Variants in U2AF2 observed in about 807,000 individuals in gnomAD.
U2AF2 encodes the protein U2 small nuclear RNA auxiliary factor 2.
A neutral mutation model predicts 52.6 loss-of-function variants in U2AF2; 6 were observed. That is an observed-to-expected ratio of 0.11 (90% CI 0.06 to 0.23). The LOEUF (loss-of-function observed/expected upper bound fraction) is 0.23. Ranked by LOEUF, U2AF2 falls within the 10% of genes least tolerant of loss-of-function variation. The probability of loss-of-function intolerance (pLI) is 1.00; values close to 1 mark genes in which losing one functional copy is unlikely to be tolerated. For missense variants in U2AF2, 222 were observed against 677.1 expected, an observed-to-expected ratio of 0.33 and a Z score of 7.46; for synonymous variants, 284 against 258.2, an observed-to-expected ratio of 1.10 and a Z score of -0.96.
intron 11 of U2AF2, among the ~76,000 whole-genome samples, chr19:55,672,865 G>A (rs1235340436): frequency 6.6e-6 from 1 of 151,556 alleles, no homozygotes; most frequent in Non-Finnish European, 1.5e-5. Context: ...GGATGGTCTC[G>A]ATCTCCTGAC....
In U2AF2 at chr19:55,659,257, C is replaced by A; in HGVS notation, c.97C>A (p.Arg33=). 6.2e-7 allele frequency: 1 copy of A among 1,603,322 alleles called. No homozygotes were observed. The highest frequency in any genetic ancestry group is 8.5e-7 in the Non-Finnish European group (1 of 1,174,274). The part of the protein sequence containing the change: ...RHRKRSHSRS[R]SRDRKRRSRS... ...TCGGAAGCGCAGCCACAGCCGCTCT[C>A]GGAGCCGGGACCGCAAACGCCGGAG... is the stretch of plus-strand genomic sequence containing the variant. Residue 33 remains arginine, a synonymous_variant, in exon 2 of 12, where the codon CGG becomes AGG. Coordinates refer to ENST00000308924, the MANE Select transcript of U2AF2 (RefSeq NM_007279.3).
At chr19:55,667,064 C>G (rs1028746903) in intron 7 of U2AF2, among the ~76,000 whole-genome samples, 1 of 152,190 alleles carries the variant, frequency 6.6e-6, no homozygotes, top group Non-Finnish European at 1.5e-5. Context: ...CTACTTGTCC[C>G]TGTAGCATAG....
Position 55,660,196 on chromosome 19 carries a change from G to A in U2AF2, c.205G>A (p.Ala69Thr), listed in dbSNP as rs757076742. 6.2e-7 allele frequency: 1 copy of A among 1,606,290 alleles called. No homozygotes were observed. The highest frequency in any genetic ancestry group is 1.1e-5 in the South Asian group (1 of 90,338). ...CCCCAGCAAACCTTTGACCAGAGGC[G>A]CTAAAGAGGAGCACGGTGGACTGAT... is the stretch of plus-strand genomic sequence containing the variant. ...RRRSKPLTRGAKEEHGGLIRS... is the reference protein window; with the variant it reads ...RRRSKPLTRGTKEEHGGLIRS... The change falls in exon 3 of 12, where the codon GCT becomes ACT. Residue 69 changes from alanine (A) to threonine (T), a missense_variant. Physicochemically the swap from Ala to Thr is moderately conservative, Grantham distance 58. This residue lies in a region of U2AF2 where 100 missense variants were observed against 144.1 expected (regional missense o/e 0.69). Transcript: ENST00000308924.
chr19:55,663,701 G>T lies in U2AF2; in HGVS notation c.699G>T (p.Gln233His). Residue 233 changes from glutamine (Q) to histidine (H), a missense_variant, in exon 7 of 12, where the codon CAG (glutamine) becomes CAT (histidine). By Grantham distance (24) the Gln-to-His change is conservative. This residue lies in a region of U2AF2 where 16 missense variants were observed against 203.1 expected (regional missense o/e 0.08). Transcript: ENST00000308924. Reference protein sequence around the residue: ...SLKIRRPHDYQPLPGMSENPS... With the variant: ...SLKIRRPHDYHPLPGMSENPS... The stretch of plus-strand genomic sequence containing the variant: ...AGATCCGCAGGCCTCACGACTACCA[G>T]CCGCTTCCTGGCATGTCAGAGAACC... 6.2e-7 allele frequency: 1 copy of T among 1,614,138 alleles called. No homozygotes were observed. Among genetic ancestry groups the T allele is most frequent in the Non-Finnish European group, 8.5e-7 (1 of 1,180,028 alleles).
intron 6 of U2AF2, 103 bp from the exon 7 acceptor site, chr19:55,663,503 G>C (rs1469105262): frequency 3.3e-6 from 5 of 1,508,588 alleles, no homozygotes; most frequent in Non-Finnish European, 4.5e-6. Flanking sequence ...TGTTGTATTT[G>C]TTCACATGAG....
At chr19:55,669,347 C>G in intron 10 of U2AF2, 97 bp from the exon 11 acceptor site, 1 of 1,542,424 alleles carries the variant, frequency 6.5e-7, no homozygotes, top group Non-Finnish European at 8.7e-7. Flanking sequence ...GGAGAGATGG[C>G]CTTTCCCCTG....
chr19:55,668,596 C>G lies in U2AF2; in HGVS notation c.822+10C>G. On this transcript the variant is annotated intron_variant, in intron 8 of 11. Coordinates refer to ENST00000308924, the MANE Select transcript of U2AF2 (RefSeq NM_007279.3). This position sits in a 1 kb window ranked among gnomAD's most constrained non-coding sequence, Gnocchi z 5.5. Reference sequence around the variant, plus strand: ...CCTGAACGATGACCAGGTAACTTCCCTGCCTCCCTCCAGACCCGTCCCCCC... The same window carrying G: ...CCTGAACGATGACCAGGTAACTTCCGTGCCTCCCTCCAGACCCGTCCCCCC... 1 of 1,605,014 alleles carries G rather than the reference C, an allele frequency of 6.2e-7. No individual in the cohort carries two copies. The highest frequency in any genetic ancestry group is 2.2e-5 in the East Asian group (1 of 44,772).
At position 55,667,053 on chromosome 19, in the gene U2AF2, G is replaced by GCTA. The variant is rs1646024423; in HGVS notation, c.743-1451_743-1449dup. 1.3e-5 allele frequency among the ~76,000 whole-genome samples: 2 copies of GCTA among 152,200 alleles called. 1 individual carries two copies. Among genetic ancestry groups the GCTA allele is most frequent in the South Asian group, 4.1e-4 (2 of 4,830 alleles). On this transcript the variant is annotated intron_variant, in intron 7 of 11. Transcript: ENST00000308924. ...TGTGTGTTCCTGCTCCCGGGCTGCT[G>GCTA]CTACTTGTCCCTGTAGCATAGGAGC... is the stretch of plus-strand genomic sequence containing the variant.
intron 11 of U2AF2, chr19:55,671,810 T>A (rs1984939001): frequency 6.6e-6 from 1 of 152,220 alleles, no homozygotes; most frequent in East Asian, 1.9e-4. Flanking sequence ...TGGGATCAGC[T>A]GACCTGTTTT....
In U2AF2 at chr19:55,668,835, T is replaced by G; in HGVS notation, c.945+43T>G. The G allele has an allele frequency of 6.3e-7, 1 of 1,576,620 alleles. No individual in the cohort carries two copies. Among genetic ancestry groups the G allele is most frequent in the Non-Finnish European group, 8.6e-7 (1 of 1,156,754 alleles). ...GGCCGCTGCCGCGTCTGTCCTTCCC[T>G]GCCCTGCGCTGTTGCCAAGCCATGG... On this transcript the variant is annotated intron_variant, in intron 9 of 11. Coordinates refer to ENST00000308924, the MANE Select transcript of U2AF2 (RefSeq NM_007279.3). The surrounding 1 kb of genome is among the most constrained non-coding windows in gnomAD (Gnocchi z 5.5).
Position 55,668,947 on chromosome 19 carries a change from CT to C in U2AF2, c.946-131del. 2 of 1,483,076 alleles carry C rather than the reference CT, an allele frequency of 1.3e-6. No individual in the cohort carries two copies. The highest frequency in any genetic ancestry group is 9.1e-7 in the Non-Finnish European group (1 of 1,103,774). 91.9% of individuals were successfully genotyped at this position (1,483,076 alleles called of 1,614,324 possible). On this transcript the variant is annotated intron_variant, in intron 9 of 11. Transcript: ENST00000308924. The surrounding 1 kb of genome is among the most constrained non-coding windows in gnomAD (Gnocchi z 5.5). ...GCTCGTCCCTGTCCCATGGCGTTGGCTTTTTCCAGGCTCTTAATCCCCTTTG... is the reference window on the plus strand; with the variant it reads ...GCTCGTCCCTGTCCCATGGCGTTGGCTTTTCCAGGCTCTTAATCCCCTTTG...
At chr19:55,667,402 A>G (rs1220913496) in intron 7 of U2AF2, among the ~76,000 whole-genome samples, 2 of 152,078 alleles carry the variant, frequency 1.3e-5, no homozygotes, top group African/African-American at 2.4e-5. Flanking sequence ...CTGGTTGGTT[A>G]CCGGGGCCTG....
At chr19:55,670,458 C>G (rs1007872564) in intron 11 of U2AF2, among the ~76,000 whole-genome samples, 3 of 149,008 alleles carry the variant, frequency 2.0e-5, no homozygotes, top group Non-Finnish European at 4.4e-5. Context: ...TCCCGTGCAC[C>G]CTGCTGTCCC....
At chr19:55,656,327 A>G (rs1047159712) in intron 1 of U2AF2, among the ~76,000 whole-genome samples, 4 of 152,156 alleles carry the variant, frequency 2.6e-5, no homozygotes, top group African/African-American at 7.2e-5. Context: ...AGAGTTGGGT[A>G]GGGGCTGTAT....
intron 2 of U2AF2, 133 bp downstream of exon 2, chr19:55,659,478 T>TG (rs1984020190): frequency 8.4e-7 from 1 of 1,184,954 alleles, no homozygotes; most frequent in Admixed American, 4.0e-5. Context: ...TGTGTGGATC[T>TG]GGGGGAGGGA....
At chr19:55,672,935 G>A (rs1434873922) in intron 11 of U2AF2, among the ~76,000 whole-genome samples, 1 of 151,114 alleles carries the variant, frequency 6.6e-6, no homozygotes, top group African/African-American at 2.4e-5. Context: ...GAGCCACCGC[G>A]CCCGGCCAAT....
At position 55,672,947 on chromosome 19, in the gene U2AF2, A is replaced by AT. The variant is rs879660112; in HGVS notation, c.1294-974dup. On this transcript the variant is annotated intron_variant, in intron 11 of 11. Coordinates refer to ENST00000308924, the MANE Select transcript of U2AF2 (RefSeq NM_007279.3). Reference sequence around the variant, plus strand: ...CGTGAGCCACCGCGCCCGGCCAATAATTTTTTTTTTTTTGAGACGGAGCCT... The same window carrying AT: ...CGTGAGCCACCGCGCCCGGCCAATAATTTTTTTTTTTTTTGAGACGGAGCCT... 4.3e-3 allele frequency among the ~76,000 whole-genome samples: 575 copies of AT among 132,298 alleles called. 4 individuals carry two copies. Among genetic ancestry groups the AT allele is most frequent in the African/African-American group, 0.012 (407 of 35,350 alleles). 86.8% of individuals were successfully genotyped at this position (132,298 alleles called of 152,430 possible). A position where few individuals can be genotyped will look rare whatever the true frequency, so the allele number is the denominator to read the frequency against.
At chr19:55,656,345 CAG>C (rs1281762944) in intron 1 of U2AF2, among the ~76,000 whole-genome samples, 1 of 152,172 alleles carries the variant, frequency 6.6e-6, no homozygotes, top group Non-Finnish European at 1.5e-5. Flanking sequence ...TATTAGGAAA[CAG>C]TGTCCTGGGG....
chr19:55,669,824 C>T (rs1033132175), intron 11 of U2AF2, 132 bp downstream of exon 11: 16 of 1,349,090 alleles, frequency 1.2e-5, no homozygotes, highest in Middle Eastern at 2.7e-4. Context: ...CTCTCTCTCT[C>T]CTCTCGCAGC....
Sources: allele counts gnomAD v4.1 joint callset (sites outside exome capture counted in the v4.1 genomes callset), GRCh38; gene constraint gnomAD v4.1.1; regional missense constraint gnomAD v4.1.1; non-coding constraint Gnocchi (gnomAD v3.1); transcripts MANE v1.5; gene names NCBI Gene and HGNC (gene_info 2026-07-23, HGNC 2026-07-21).